Variants in SCN9A observed in about 807,000 individuals in gnomAD.
SCN9A encodes the protein sodium channel protein type 9 subunit alpha.
Under a neutral mutation model 187.0 loss-of-function variants are expected in SCN9A, and 131 were observed. That is an observed-to-expected ratio of 0.70 (90% CI 0.61 to 0.81). The LOEUF is 0.81. Among genes scored for constraint, SCN9A ranks in the 30% least tolerant of loss-of-function variants. The pLI is 0.00. For synonymous variants in SCN9A, 809 were observed against 808.6 expected, an observed-to-expected ratio of 1.00 and a Z score of -0.01; for missense variants, 2,252 against 2,396.6, an observed-to-expected ratio of 0.94 and a Z score of 1.26.
intron 1 of SCN9A, among the ~76,000 whole-genome samples, chr2:166,340,541 CCTTT>C (rs201511761): frequency 0.091 from 6,105 of 67,148 alleles, 221 homozygotes; most frequent in Admixed American, 0.14. Context: ...CTTTTCTTTC[CCTTT>C]CTTTCTTTCT....
At chr2:166,241,194 G>A (rs2106408302) in intron 19 of SCN9A, among the ~76,000 whole-genome samples, 1 of 152,224 alleles carries the variant, frequency 6.6e-6, no homozygotes, top group Non-Finnish European at 1.5e-5. Flanking sequence ...CAAAGTTCTT[G>A]AGTATTCTAT....
rs191427726 is a variant in SCN9A at position 166,312,110 on chromosome 2, T to C, written c.-50-304A>G. ...CCTTCTTTTCGTCTATATTTACCTTTGGTGCAATTCAACTCAACTTTCCTC... is the reference window on the plus strand; with the variant it reads ...CCTTCTTTTCGTCTATATTTACCTTCGGTGCAATTCAACTCAACTTTCCTC... On this transcript the variant is annotated intron_variant, in intron 1 of 26. Coordinates refer to ENST00000642356, the MANE Select transcript of SCN9A (RefSeq NM_001365536.1). Among the ~76,000 whole-genome samples the C allele has an allele frequency of 1.7e-4, 26 of 152,290 alleles. No individual in the cohort carries two copies. The East Asian group carries it at 4.4e-3, about 26-fold the overall frequency.
At chr2:166,312,978 AATAAT>A (rs1481181152) in intron 1 of SCN9A, among the ~76,000 whole-genome samples, 3 of 114,160 alleles carry the variant, frequency 2.6e-5, no homozygotes, top group South Asian at 5.4e-4. Context: ...TGAATGATTA[AATAAT>A]ATAATTATTA....
chr2:166,305,936 C>T lies in SCN9A; in HGVS notation c.468-16G>A, dbSNP rs1347291023. The T allele has an allele frequency of 1.2e-6, 2 of 1,611,258 alleles. No homozygotes were observed. Among genetic ancestry groups the T allele is most frequent in the Non-Finnish European group, 1.7e-6 (2 of 1,178,776 alleles). On this transcript the variant is annotated splice_polypyrimidine_tract_variant and intron_variant, in intron 4 of 26. Coordinates refer to ENST00000642356, the MANE Select transcript of SCN9A (RefSeq NM_001365536.1). Reference sequence around the variant, plus strand: ...AAAAGTGTACCTAAACACAAGATTCCATTGGGATACTAGATGTGAAAAGAA... The same window carrying T: ...AAAAGTGTACCTAAACACAAGATTCTATTGGGATACTAGATGTGAAAAGAA...
At chr2:166,308,332 C>T (rs531746406) in intron 2 of SCN9A, among the ~76,000 whole-genome samples, 1 of 152,244 alleles carries the variant, frequency 6.6e-6, no homozygotes, top group African/African-American at 2.4e-5. Context: ...ATCCCCACGT[C>T]TCAGGGGAGG....
intron 18 of SCN9A, among the ~76,000 whole-genome samples, chr2:166,243,765 G>A (rs896895095): frequency 1.3e-5 from 2 of 151,968 alleles, no homozygotes; most frequent in African/African-American, 4.8e-5. Flanking sequence ...AGGTTGAGGA[G>A]TAAGTAAAGG....
intron 24 of SCN9A, among the ~76,000 whole-genome samples, chr2:166,209,333 TAG>T (rs1693967265): frequency 6.6e-6 from 1 of 151,992 alleles, no homozygotes; most frequent in Non-Finnish European, 1.5e-5. Flanking sequence ...CCTAAAGAAA[TAG>T]AGATTTATAA....
intron 24 of SCN9A, among the ~76,000 whole-genome samples, chr2:166,215,363 A>T (rs1011022722): frequency 9.2e-5 from 14 of 152,258 alleles, no homozygotes; most frequent in Admixed American, 4.6e-4. Flanking sequence ...ATCTCAAATA[A>T]ACAACCTAAT....
rs887249001 is a variant in SCN9A at position 166,222,930 on chromosome 2, CAAAAAAAAAAACAACAAAAAAAAAAAAA to C, written c.4398+3609_4398+3636del. Among the ~76,000 whole-genome samples the C allele has an allele frequency of 3.2e-3, 63 of 19,534 alleles. No individual in the cohort carries two copies. The South Asian group carries it at 0.11, about 35-fold the overall frequency. The allele number at this position is 19,534 out of a possible 152,430, so 12.8% of individuals were successfully genotyped here. A position where few individuals can be genotyped will look rare whatever the true frequency, so the allele number is the denominator to read the frequency against. On this transcript the variant is annotated intron_variant, in intron 24 of 26. Transcript: ENST00000642356. Reference sequence around the variant, plus strand: ...TGGGCGACAGAGCGAAACTCCGTCTCAAAAAAAAAAACAACAAAAAAAAAAAAAAAAAAAAAAAAAAACAGCAACAAAA... The same window carrying C: ...TGGGCGACAGAGCGAAACTCCGTCTCAAAAAAAAAAAAAACAGCAACAAAA...
intron 1 of SCN9A, among the ~76,000 whole-genome samples, chr2:166,352,988 C>A (rs1006170059): frequency 6.8e-6 from 1 of 146,930 alleles, no homozygotes; most frequent in Admixed American, 6.8e-5. Context: ...GTTCCAGGAT[C>A]GATATCTTTC....
rs373953011 is a variant in SCN9A at position 166,306,085 on chromosome 2, AT to A, written c.468-166del. ...AAACTACAATAGGTCTATCCAGAAA[AT>A]ATTAAAATGTCAATATCAGAAACAC... On this transcript the variant is annotated intron_variant, in intron 4 of 26. Coordinates refer to ENST00000642356, the MANE Select transcript of SCN9A (RefSeq NM_001365536.1). 2.3e-3 allele frequency among the ~76,000 whole-genome samples: 352 copies of A among 152,176 alleles called. 3 individuals carry two copies. Among genetic ancestry groups the A allele is most frequent in the African/African-American group, 8.2e-3 (339 of 41,524 alleles).
In SCN9A at chr2:166,196,667, A is replaced by G. The variant is rs1259847884; in HGVS notation, c.*2005T>C. On this transcript the variant is annotated 3_prime_UTR_variant, in exon 27 of 27. Transcript: ENST00000642356. ...TATTTAAAAATCTGATAAATGTAAT[A>G]TATTTTGTATAGGTCCCTACTTAAA... 6.6e-6 allele frequency: 1 copy of G among 152,170 alleles called. No individual in the cohort carries two copies. The highest frequency in any genetic ancestry group is 1.5e-5 in the Non-Finnish European group (1 of 67,988). The allele number at this position is 152,170 out of a possible 1,614,324, so 9.4% of individuals were successfully genotyped here. A position where few individuals can be genotyped will look rare whatever the true frequency, so the allele number is the denominator to read the frequency against.
intron 25 of SCN9A, 37 bp downstream of exon 25, chr2:166,204,323 G>C (rs1693687327): frequency 6.4e-7 from 1 of 1,564,572 alleles, no homozygotes; most frequent in Non-Finnish European, 8.7e-7. Flanking sequence ...GAAATAATTT[G>C]AAAATCTATA....
At chr2:166,263,923 T>C (rs1359780957) in intron 17 of SCN9A, among the ~76,000 whole-genome samples, 1 of 152,008 alleles carries the variant, frequency 6.6e-6, no homozygotes, top group Non-Finnish European at 1.5e-5. Context: ...AGAGAAATCA[T>C]GGCCTTGCTC....
chr2:166,214,789 C>A (rs1172412563), intron 24 of SCN9A, among the ~76,000 whole-genome samples: 1 of 151,914 alleles, frequency 6.6e-6, no homozygotes, highest in African/African-American at 2.4e-5. Context: ...GCTGGGATTA[C>A]AGGCGTGAGC....
intron 24 of SCN9A, among the ~76,000 whole-genome samples, chr2:166,222,585 G>A (rs543139721): frequency 1.6e-4 from 24 of 151,564 alleles, no homozygotes; most frequent in African/African-American, 5.3e-4. Context: ...CTGAGATCGC[G>A]CCACTGCACT....
intron 17 of SCN9A, among the ~76,000 whole-genome samples, chr2:166,252,845 A>C (rs1696106433): frequency 6.6e-6 from 1 of 151,838 alleles, no homozygotes; most frequent in Non-Finnish European, 1.5e-5. Context: ...AAATTTCCCA[A>C]ATATTGTTTT....
chr2:166,294,510 T>G, intron 8 of SCN9A, 89 bp downstream of exon 8: 1 of 864,150 alleles, frequency 1.2e-6, no homozygotes, highest in Non-Finnish European at 1.9e-6. Flanking sequence ...AAAAGCAATA[T>G]AGAATCAAAG....
intron 1 of SCN9A, among the ~76,000 whole-genome samples, chr2:166,364,634 T>C (rs1452836601): frequency 6.6e-6 from 1 of 152,122 alleles, no homozygotes; most frequent in African/African-American, 2.4e-5. Context: ...AATAGTCACA[T>C]TCATAGAGAA....
Sources: allele counts gnomAD v4.1 joint callset (sites outside exome capture counted in the v4.1 genomes callset), GRCh38; gene constraint gnomAD v4.1.1; transcripts MANE v1.5; gene names NCBI Gene and HGNC (gene_info 2026-07-23, HGNC 2026-07-21).